The following FECH variants were observed in gnomAD, a reference collection of about 807,000 sequenced individuals.
The protein encoded by FECH is ferrochelatase, mitochondrial.
A neutral mutation model predicts 56.9 loss-of-function variants in FECH; 40 were observed. The observed-to-expected ratio is 0.70, with a 90% CI of 0.55 to 0.92. The LOEUF is 0.92. Among genes scored for constraint, FECH ranks in the 40% least tolerant of loss-of-function variants. The pLI, the probability that FECH is intolerant of heterozygous loss-of-function variation, is 0.00. For synonymous variants in FECH, 175 were observed against 198.6 expected (o/e 0.88, Z 1.00); for missense variants, 431 against 529.1 (o/e 0.81, Z 1.82).
Position 57,547,737 on chromosome 18 carries a change from A to G in FECH, c.*2975T>C, listed in dbSNP as rs1268731365. ...AACCTCAAACTGCTGGGCTCAAGCA[A>G]TCCTACCACCTCAGCCTCCTAAGTA... On this transcript the variant is annotated 3_prime_UTR_variant, in exon 11 of 11. Coordinates refer to ENST00000262093, the MANE Select transcript of FECH (RefSeq NM_000140.5). 6.6e-6 allele frequency among the ~76,000 whole-genome samples: 1 copy of G among 152,064 alleles called. No homozygotes were observed. The highest frequency in any genetic ancestry group is 1.5e-5 in the Non-Finnish European group (1 of 68,006).
In FECH at chr18:57,554,484, CCT is replaced by C. The variant is rs60626363; in HGVS notation, c.913-62_913-61del. 0.13 allele frequency: 214,194 copies of C among 1,592,288 alleles called. 15,440 individuals carry two copies. Among genetic ancestry groups the C allele is most frequent in the Non-Finnish European group, 0.15 (173,080 of 1,161,528 alleles). ...ATGCCTCCTGACGGTCTGTAGTACC[CCT>C]GTTTGCCCCCCTGGGCACACGCACT... is the stretch of plus-strand genomic sequence containing the variant. On this transcript the variant is annotated intron_variant, in intron 8 of 10. Coordinates refer to ENST00000262093, the MANE Select transcript of FECH (RefSeq NM_000140.5).
At chr18:57,575,536 G>A (rs530043427) in intron 2 of FECH, among the ~76,000 whole-genome samples, 8 of 152,102 alleles carry the variant, frequency 5.3e-5, no homozygotes, top group South Asian at 2.1e-4. Flanking sequence ...TCGACCTCCC[G>A]GGCTCAAGTG....
chr18:57,583,582 A>G (rs1001338979), intron 1 of FECH, among the ~76,000 whole-genome samples: 1 of 152,268 alleles, frequency 6.6e-6, no homozygotes, highest in African/African-American at 2.4e-5. Flanking sequence ...AAGAATATCC[A>G]ATAGTATAGA....
At chr18:57,585,381 T>G (rs317814) in intron 1 of FECH, among the ~76,000 whole-genome samples, 41,059 of 152,118 alleles carry the variant, frequency 0.27, 6,305 homozygotes, top group East Asian at 0.64. Flanking sequence ...TACAAATAAT[T>G]TAAAGTTTCA....
At chr18:57,551,438 G>A in intron 9 of FECH, 64 bp from the exon 10 acceptor site, 1 of 1,285,888 alleles carries the variant, frequency 7.8e-7, no homozygotes, top group Non-Finnish European at 1.1e-6. Context: ...TTTTTTCAAA[G>A]AAACTGCTAC....
Position 57,580,204 on chromosome 18 carries a change from G to A in FECH, c.68-5C>T, listed in dbSNP as rs746261667. The A allele has an allele frequency of 9.3e-6, 15 of 1,614,096 alleles. No individual in the cohort carries two copies. Among genetic ancestry groups the A allele is most frequent in the South Asian group, 2.2e-5 (2 of 91,074 alleles). The stretch of plus-strand genomic sequence containing the variant: ...CCCTCCAGCTGCTGGATGCCACTGT[G>A]ACAAAATTAAAGTGCTCGCATGAAA... On this transcript the variant is annotated splice_polypyrimidine_tract_variant and splice_region_variant and intron_variant, in intron 1 of 10. Transcript: ENST00000262093.
chr18:57,551,116 T>C, intron 10 of FECH, 199 bp downstream of exon 10: 1 of 639,464 alleles, frequency 1.6e-6, no homozygotes, highest in East Asian at 2.7e-5. Flanking sequence ...TCAGACATAG[T>C]TATAGGTGGG....
chr18:57,553,887 GAA>G, intron 9 of FECH, among the ~76,000 whole-genome samples: 1 of 152,310 alleles, frequency 6.6e-6, no homozygotes, highest in Non-Finnish European at 1.5e-5. Flanking sequence ...ATTAGGCAAA[GAA>G]AAGAAATTAT....
At chr18:57,581,512 G>T (rs1168036141) in intron 1 of FECH, among the ~76,000 whole-genome samples, 1 of 152,224 alleles carries the variant, frequency 6.6e-6, no homozygotes, top group African/African-American at 2.4e-5. Flanking sequence ...ACCAGCTTGC[G>T]ATCAGTCTCC....
At chr18:57,573,854 TG>T (rs1362490363) in intron 2 of FECH, among the ~76,000 whole-genome samples, 3 of 152,224 alleles carry the variant, frequency 2.0e-5, no homozygotes, top group African/African-American at 7.2e-5. Flanking sequence ...ACTTAGCACG[TG>T]CTGGCACATG....
In FECH at chr18:57,548,545, G is replaced by A. The variant is rs1374570052; in HGVS notation, c.*2167C>T. 6.6e-6 allele frequency: 1 copy of A among 152,092 alleles called. No homozygotes were observed. The highest frequency in any genetic ancestry group is 1.5e-5 in the Non-Finnish European group (1 of 68,026). The allele number at this position is 152,092 out of a possible 1,614,324, so 9.4% of individuals were successfully genotyped here. On this transcript the variant is annotated 3_prime_UTR_variant, in exon 11 of 11. Transcript: ENST00000262093. ...CCAGCAGTTCATTGCTAATTACCAG[G>A]GCAAACATTTGTATTTCAAAGTTGA...
chr18:57,552,433 G>A (rs1483355954), intron 9 of FECH, among the ~76,000 whole-genome samples: 1 of 149,982 alleles, frequency 6.7e-6, no homozygotes, highest in African/African-American at 2.5e-5. Context: ...GGCAGTCTCA[G>A]TCTGTTGCCC....
chr18:57,562,866 T>C lies in FECH; in HGVS notation c.705+8A>G, dbSNP rs2050963251. 1 of 1,611,746 alleles carries C rather than the reference T, an allele frequency of 6.2e-7. No homozygotes were observed. Among genetic ancestry groups the C allele is most frequent in the Non-Finnish European group, 8.5e-7 (1 of 1,177,994 alleles). On this transcript the variant is annotated splice_region_variant and intron_variant, in intron 6 of 10. Transcript: ENST00000262093. ...GGGGTGACAGGCAGCTGGCAAGCAC[T>C]GGCTTACCTGGATGAGGAGGTGATG... is the stretch of plus-strand genomic sequence containing the variant.
intron 4 of FECH, among the ~76,000 whole-genome samples, chr18:57,568,144 C>T (rs2051043262): frequency 6.6e-6 from 1 of 152,182 alleles, no homozygotes; most frequent in Admixed American, 6.5e-5. Context: ...GTAGAAACTG[C>T]TTTCGATTCT....
At chr18:57,551,164 G>C (rs1397520756) in intron 10 of FECH, 151 bp downstream of exon 10, 4 of 687,158 alleles carry the variant, frequency 5.8e-6, no homozygotes, top group Non-Finnish European at 1.0e-5. Context: ...AAGGAAAAAA[G>C]ACTGAGCAGA....
chr18:57,570,031 TCGTG>T (rs1383534487), intron 4 of FECH, among the ~76,000 whole-genome samples: 13 of 79,050 alleles, frequency 1.6e-4, no homozygotes, highest in South Asian at 4.5e-4. Flanking sequence ...GTTGTTGTTG[TCGTG>T]TGTGTGTGTG....
In FECH at chr18:57,563,700, C is replaced by T. The variant is rs543735788; in HGVS notation, c.599-720G>A. Among the ~76,000 whole-genome samples, 6 of 151,666 alleles carry T rather than the reference C, an allele frequency of 4.0e-5. No homozygotes were observed. The South Asian group carries it at 1.2e-3, about 32-fold the overall frequency. On this transcript the variant is annotated intron_variant, in intron 5 of 10. Coordinates refer to ENST00000262093, the MANE Select transcript of FECH (RefSeq NM_000140.5). ...AGGAAAAAAGAAACTGACCATTATC[C>T]CAGCATGCTAATTACAGTCATTGCT...
intron 6 of FECH, among the ~76,000 whole-genome samples, chr18:57,562,518 A>C (rs140414931): frequency 8.1e-4 from 123 of 152,228 alleles, no homozygotes; most frequent in Admixed American, 4.2e-3. Context: ...TAGAAAGTAG[A>C]AAATTTAATT....
intron 9 of FECH, among the ~76,000 whole-genome samples, chr18:57,553,615 GTTTTTC>G (rs1422058872): frequency 6.6e-6 from 1 of 152,214 alleles, no homozygotes; most frequent in Non-Finnish European, 1.5e-5. Context: ...ATGAACAATA[GTTTTTC>G]TCCTCCCTGA....
Sources: allele counts gnomAD v4.1 joint callset (sites outside exome capture counted in the v4.1 genomes callset), GRCh38; gene constraint gnomAD v4.1.1; transcripts MANE v1.5; gene names NCBI Gene and HGNC (gene_info 2026-07-23, HGNC 2026-07-21).